Variants in MBD5 observed in about 807,000 individuals in gnomAD.
MBD5 encodes methyl-CpG binding domain protein 5.
MBD5 carries 13 observed loss-of-function variants against 117.3 expected under a neutral mutation model. That is an observed-to-expected ratio of 0.11 (90% CI 0.07 to 0.18). The LOEUF is 0.18. MBD5 is among the 10% of genes least tolerant of loss of function. MBD5 has a pLI of 1.00. For synonymous variants in MBD5, 727 were observed against 766.4 expected (o/e 0.95, Z 0.85); for missense variants, 1,879 against 2,093.8 (o/e 0.90, Z 2.00).
Position 148,219,235 on chromosome 2 carries a change from A to G in MBD5, c.-830-14010A>G, listed in dbSNP as rs541642785. Among the ~76,000 whole-genome samples, 3 of 152,308 alleles carry G rather than the reference A, an allele frequency of 2.0e-5. No homozygotes were observed. The South Asian group carries it at 6.2e-4, about 32-fold the overall frequency. ...CTTATGCAGGGTCAGGATCATCAGT[A>G]TCGCTTTCCTCCACCTCCATATCTT... is the stretch of plus-strand genomic sequence containing the variant. On this transcript the variant is annotated intron_variant, in intron 2 of 13. Transcript: ENST00000642680.
intron 2 of MBD5, among the ~76,000 whole-genome samples, chr2:148,195,272 T>C (rs1269187553): frequency 6.6e-6 from 1 of 152,038 alleles, no homozygotes; most frequent in African/African-American, 2.4e-5. Context: ...GCTAAAATAA[T>C]ATGAGAAAAA....
chr2:148,416,047 T>C (rs1437211917), intron 4 of MBD5, among the ~76,000 whole-genome samples: 1 of 152,168 alleles, frequency 6.6e-6, no homozygotes, highest in African/African-American at 2.4e-5. Context: ...CTGGGTTTTT[T>C]TGAGTTACCA....
At chr2:148,233,878 G>T (rs1005384805) in intron 3 of MBD5, among the ~76,000 whole-genome samples, 3 of 151,998 alleles carry the variant, frequency 2.0e-5, no homozygotes, top group Non-Finnish European at 4.4e-5. Context: ...CCAAAATCTT[G>T]GAAAGCTATC....
chr2:148,457,596 C>G (rs187620761), intron 4 of MBD5, among the ~76,000 whole-genome samples: 149 of 152,176 alleles, frequency 9.8e-4, no homozygotes, highest in Non-Finnish European at 9.3e-4. Context: ...ATTAAAAGAG[C>G]ACCCCATAAT....
chr2:148,346,567 A>G (rs961815707), intron 4 of MBD5: 1 of 151,958 alleles, frequency 6.6e-6, no homozygotes, highest in South Asian at 2.1e-4. Flanking sequence ...CATTTGTGTG[A>G]TTACTACTGA....
intron 4 of MBD5, among the ~76,000 whole-genome samples, chr2:148,361,920 G>T (rs7606618): frequency 0.5 from 75,358 of 152,080 alleles, 18,951 homozygotes; most frequent in East Asian, 0.75. Flanking sequence ...AGGGAAGACA[G>T]GAGAGACTGT....
chr2:148,354,224 C>T (rs888774402), intron 4 of MBD5, among the ~76,000 whole-genome samples: 6 of 151,960 alleles, frequency 3.9e-5, no homozygotes, highest in African/African-American at 1.5e-4. Context: ...TTAAGCCCTG[C>T]ATGCATTAGA....
chr2:148,459,506 G>A (rs963466117), intron 5 of MBD5, among the ~76,000 whole-genome samples: 19 of 152,120 alleles, frequency 1.2e-4, no homozygotes, highest in African/African-American at 4.1e-4. Flanking sequence ...AGAAGTTTTA[G>A]TCTTACTCAT....
intron 1 of MBD5, among the ~76,000 whole-genome samples, chr2:148,112,690 T>C (rs921311222): frequency 1.3e-5 from 2 of 152,186 alleles, no homozygotes; most frequent in African/African-American, 4.8e-5. Context: ...ACATTTTATT[T>C]AAATCTAATT....
At chr2:148,126,358 A>G (rs1166348549) in intron 1 of MBD5, among the ~76,000 whole-genome samples, 5 of 149,904 alleles carry the variant, frequency 3.3e-5, no homozygotes, top group African/African-American at 7.4e-5. Context: ...GTGAGCCAAG[A>G]TCGTGCCACT....
intron 4 of MBD5, among the ~76,000 whole-genome samples, chr2:148,380,046 C>T (rs539889082): frequency 2.6e-4 from 39 of 152,126 alleles, no homozygotes; most frequent in African/African-American, 8.0e-4. Context: ...GAAAATGAAT[C>T]GATAGCAAAA....
chr2:148,220,948 A>G (rs1699672322), intron 2 of MBD5, among the ~76,000 whole-genome samples: 1 of 151,940 alleles, frequency 6.6e-6, no homozygotes, highest in African/African-American at 2.4e-5. Context: ...ACCCTTCCCA[A>G]CATCTGGTAA....
intron 4 of MBD5, among the ~76,000 whole-genome samples, chr2:148,431,619 A>C (rs890933704): frequency 6.6e-6 from 1 of 152,106 alleles, no homozygotes; most frequent in African/African-American, 2.4e-5. Flanking sequence ...GCTTGCACTT[A>C]TAAGTGAGAA....
chr2:148,385,031 A>G (rs1704303348), intron 4 of MBD5, among the ~76,000 whole-genome samples: 1 of 152,208 alleles, frequency 6.6e-6, no homozygotes, highest in Admixed American at 6.5e-5. Context: ...CCTAGGCAAT[A>G]CCATTCAGGA....
intron 2 of MBD5, among the ~76,000 whole-genome samples, chr2:148,219,706 CTAAG>C (rs1699636929): frequency 6.6e-6 from 1 of 152,132 alleles, no homozygotes; most frequent in African/African-American, 2.4e-5. Flanking sequence ...AAAGGTGTCA[CTAAG>C]TGACACTTTT....
chr2:148,264,316 A>AGAAGAAGAAGAG (rs144387269), intron 3 of MBD5: 34,347 of 150,178 alleles, frequency 0.23, 4,851 homozygotes, highest in South Asian at 0.38. Context: ...AAGAAGAAGA[A>AGAAGAAGAAGAG]GAAGAGGAAG....
At chr2:148,370,477 C>CTATTTATT (rs200927183) in intron 4 of MBD5, among the ~76,000 whole-genome samples, 2 of 151,636 alleles carry the variant, frequency 1.3e-5, no homozygotes, top group Non-Finnish European at 2.9e-5. Flanking sequence ...GCACGATAGC[C>CTATTTATT]TATTTATTTA....
intron 4 of MBD5, among the ~76,000 whole-genome samples, chr2:148,408,707 T>A (rs1212697662): frequency 1.3e-5 from 2 of 152,156 alleles, no homozygotes; most frequent in Admixed American, 1.3e-4. Flanking sequence ...AAATTTGTGA[T>A]TGAAAGGAAA....
intron 3 of MBD5, chr2:148,265,083 A>ACGC (rs370547344): frequency 6.6e-6 from 1 of 151,276 alleles, no homozygotes; most frequent in Non-Finnish European, 1.5e-5. Flanking sequence ...ACACACACAC[A>ACGC]AACACACATA....
Sources: gnomAD v4.1 joint callset for allele counts (sites outside exome capture counted in the v4.1 genomes callset) on GRCh38, gnomAD v4.1.1 for gene constraint, MANE v1.5 for transcripts, NCBI Gene and HGNC (gene_info 2026-07-23, HGNC 2026-07-21) for gene names.